Variants in TTLL12 observed in about 807,000 individuals in gnomAD.
TTLL12 encodes tubulin tyrosine ligase like 12.
A neutral mutation model predicts 79.6 loss-of-function variants in TTLL12; 77 were observed. That is an observed-to-expected ratio of 0.97 (90% CI 0.81 to 1.17). The LOEUF is 1.17. Among genes scored for constraint, TTLL12 ranks in the 50% most tolerant of loss-of-function variants. TTLL12 has a pLI of 0.00. For missense variants in TTLL12, 969 were observed against 895.9 expected, an observed-to-expected ratio of 1.08 and a Z score of -1.04; for synonymous variants, 437 against 376.1, an observed-to-expected ratio of 1.16 and a Z score of -1.87.
Position 43,167,834 on chromosome 22 carries a change from A to T in TTLL12, c.*174T>A. On this transcript the variant is annotated 3_prime_UTR_variant, in exon 14 of 14. Transcript: ENST00000216129. The stretch of plus-strand genomic sequence containing the variant: ...GCTCTGACCCACAGGTGAGAGGAGG[A>T]TGCTGTGCTCCCGGAGTGTGGCGCC... The T allele has an allele frequency of 1.4e-6, 1 of 717,074 alleles. No homozygotes were observed. The highest frequency in any genetic ancestry group is 1.8e-5 in the South Asian group (1 of 54,940). 44.4% of individuals were successfully genotyped at this position (717,074 alleles called of 1,614,324 possible).
intron 1 of TTLL12, among the ~76,000 whole-genome samples, chr22:43,185,054 C>G (rs998772391): frequency 6.6e-6 from 1 of 151,590 alleles, no homozygotes; most frequent in Non-Finnish European, 1.5e-5. Flanking sequence ...ATGGTGAAGC[C>G]CCATCTCTAC....
intron 10 of TTLL12, 27 bp from the exon 11 acceptor site, chr22:43,171,927 T>C (rs376983335): frequency 3.7e-6 from 6 of 1,608,232 alleles, no homozygotes; most frequent in Non-Finnish European, 4.3e-6. Context: ...CAGACACATA[T>C]GGGTTCTTGA....
Position 43,180,013 on chromosome 22 carries a change from C to A in TTLL12, c.547-13G>T. ...TCTCCTCAGCTGTCTGCAGACAGAG[C>A]ACATATGGCACCTCTCGCTCACCCA... On this transcript the variant is annotated splice_polypyrimidine_tract_variant and intron_variant, in intron 3 of 13. Transcript: ENST00000216129. The A allele has an allele frequency of 6.4e-7, 1 of 1,566,502 alleles. No individual in the cohort carries two copies. The highest frequency in any genetic ancestry group is 8.6e-7 in the Non-Finnish European group (1 of 1,156,490).
intron 13 of TTLL12, among the ~76,000 whole-genome samples, chr22:43,168,428 T>TTA (rs33976913): frequency 1.4e-5 from 2 of 146,676 alleles, no homozygotes; most frequent in African/African-American, 2.5e-5. Context: ...TTCAGTTTAG[T>TTA]AAAAAAAAAA....
rs1277035461 is a variant in TTLL12 at position 43,186,844 on chromosome 22, C to G, written c.177+49G>C. The G allele has an allele frequency of 1.9e-5, 24 of 1,240,970 alleles. No homozygotes were observed. In the East Asian group the frequency reaches 7.8e-4, roughly 40 times the overall value. 76.9% of individuals were successfully genotyped at this position (1,240,970 alleles called of 1,614,324 possible). ...CCCTGTCCCGCGCCGCGGGCTCCCG[C>G]CGCGCTCCCACCCCGGCCGCCGCAC... is the stretch of plus-strand genomic sequence containing the variant. On this transcript the variant is annotated intron_variant, in intron 1 of 13. Transcript: ENST00000216129.
intron 5 of TTLL12, among the ~76,000 whole-genome samples, chr22:43,177,828 A>C (rs66536338): frequency 0.073 from 11,151 of 152,256 alleles, 581 homozygotes; most frequent in Middle Eastern, 0.15. Context: ...TGAGATAATA[A>C]ATGTTTACTG....
chr22:43,177,079 GC>G (rs1931934526), intron 5 of TTLL12, among the ~76,000 whole-genome samples: 1 of 152,182 alleles, frequency 6.6e-6, no homozygotes, highest in East Asian at 1.9e-4. Flanking sequence ...TTTAAAACAT[GC>G]CCACGTGGCT....
chr22:43,175,892 T>C (rs974064864), intron 6 of TTLL12, among the ~76,000 whole-genome samples: 6 of 149,144 alleles, frequency 4.0e-5, no homozygotes, highest in African/African-American at 1.5e-4. Flanking sequence ...TTCACCATGC[T>C]GGCCAGGCTG....
Position 43,174,222 on chromosome 22 carries a change from G to A in TTLL12, c.1216C>T (p.Gln406Ter). Residue 406 changes from glutamine to a stop codon, truncating the protein, a stop_gained, in exon 8 of 14, where the codon CAG becomes TAG. Transcript: ENST00000216129. LOFTEE classifies it high-confidence loss of function. ...TCTGGGACTTACCACCTTTCCCGCTGCTGGAAGTAGCTGACAAACTGGGGC... is the reference window on the plus strand; with the variant it reads ...TCTGGGACTTACCACCTTTCCCGCTACTGGAAGTAGCTGACAAACTGGGGC... Reference protein sequence around the residue: ...ELPQFVSYFQQRERWGEDNHW... With the variant: ...ELPQFVSYFQ 6.2e-7 allele frequency: 1 copy of A among 1,603,614 alleles called. No homozygotes were observed. Among genetic ancestry groups the A allele is most frequent in the East Asian group, 2.2e-5 (1 of 44,874 alleles).
chr22:43,174,003 C>T (rs965844500), intron 8 of TTLL12, among the ~76,000 whole-genome samples, 177 bp from the exon 9 acceptor site: 10 of 152,232 alleles, frequency 6.6e-5, no homozygotes, highest in Non-Finnish European at 1.2e-4. Flanking sequence ...AGAGGCCAGG[C>T]AGCTGCGCTG....
intron 5 of TTLL12, among the ~76,000 whole-genome samples, chr22:43,177,418 G>A (rs1415509217): frequency 6.6e-6 from 1 of 152,050 alleles, no homozygotes; most frequent in Non-Finnish European, 1.5e-5. Flanking sequence ...CAAACTCTTT[G>A]ACACTATCTT....
chr22:43,170,084 C>T (rs1016130441), intron 11 of TTLL12: 9 of 356,200 alleles, frequency 2.5e-5, no homozygotes, highest in African/African-American at 4.3e-5. Context: ...AGGTGGCAGT[C>T]GGCTCAGGTT....
intron 2 of TTLL12, among the ~76,000 whole-genome samples, chr22:43,181,649 G>C (rs1932059370): frequency 6.6e-6 from 1 of 152,204 alleles, no homozygotes; most frequent in Non-Finnish European, 1.5e-5. Flanking sequence ...GCCGGATCAG[G>C]AGGCACCAAA....
chr22:43,183,084 C>T lies in TTLL12; in HGVS notation c.243G>A (p.Glu81=). ...QVEEVEEEED[E]AAREVRKQQP... Reference sequence around the variant, plus strand: ...GCTGCTTCCGCACCTCCCGGGCTGCCTCGTCCTCCTCCTCTTCTACCTCCT... The same window carrying T: ...GCTGCTTCCGCACCTCCCGGGCTGCTTCGTCCTCCTCCTCTTCTACCTCCT... The change falls in exon 2 of 14, where the codon GAG becomes GAA. Residue 81 remains glutamate, a synonymous_variant. Coordinates refer to ENST00000216129, the MANE Select transcript of TTLL12 (RefSeq NM_015140.4). 6.2e-7 allele frequency: 1 copy of T among 1,614,012 alleles called. No individual in the cohort carries two copies. The highest frequency in any genetic ancestry group is 8.5e-7 in the Non-Finnish European group (1 of 1,180,002).
chr22:43,176,375 CCTT>C lies in TTLL12; in HGVS notation c.859_861del (p.Lys287del). ...GGGTTGATGTCAAGTGGCAGCTTCT[CCTT>C]GTTTTCCTCCAGAATGGCCTAAAAG... On this transcript the variant is annotated inframe_deletion, in exon 6 of 14. Transcript: ENST00000216129. 1 of 1,605,624 alleles carries C rather than the reference CCTT, an allele frequency of 6.2e-7. No individual in the cohort carries two copies. The highest frequency in any genetic ancestry group is 8.5e-7 in the Non-Finnish European group (1 of 1,177,158).
chr22:43,183,262 T>A (rs1932104544), intron 1 of TTLL12, 113 bp from the exon 2 acceptor site: 1 of 1,335,610 alleles, frequency 7.5e-7, no homozygotes, highest in Non-Finnish European at 1.0e-6. Context: ...AGGACAAACT[T>A]GTCTCCTTCA....
At chr22:43,184,480 A>T (rs1280127088) in intron 1 of TTLL12, among the ~76,000 whole-genome samples, 1 of 152,252 alleles carries the variant, frequency 6.6e-6, no homozygotes, top group Non-Finnish European at 1.5e-5. Flanking sequence ...AGATTTAAAC[A>T]TGAGGCTACG....
chr22:43,170,295 G>A lies in TTLL12; in HGVS notation c.1576-727C>T, dbSNP rs1931731738. 6 of 245,890 alleles carry A rather than the reference G, an allele frequency of 2.4e-5. No individual in the cohort carries two copies. In the South Asian group the frequency reaches 3.0e-4, roughly 12 times the overall value. The allele number at this position is 245,890 out of a possible 1,614,324, so 15.2% of individuals were successfully genotyped here. ...TGCTGGGGGGTCTGGGTCCTAGGGA[G>A]TAGGCTTCAACACAGGCAAGGATAA... On this transcript the variant is annotated intron_variant, in intron 11 of 13. Coordinates refer to ENST00000216129, the MANE Select transcript of TTLL12 (RefSeq NM_015140.4).
chr22:43,176,302 T>C lies in TTLL12; in HGVS notation c.917+18A>G. On this transcript the variant is annotated intron_variant, in intron 6 of 13. Coordinates refer to ENST00000216129, the MANE Select transcript of TTLL12 (RefSeq NM_015140.4). ...TGCGGACAAGTCCCAGCCCAAGCAG[T>C]GGGGGGGGGCTACGCACTTGAAGAT... 1 of 1,494,076 alleles carries C rather than the reference T, an allele frequency of 6.7e-7. No individual in the cohort carries two copies. The highest frequency in any genetic ancestry group is 1.2e-5 in the South Asian group (1 of 82,980). The allele number at this position is 1,494,076 out of a possible 1,614,324, so 92.6% of individuals were successfully genotyped here.
Sources: allele counts gnomAD v4.1 joint callset (sites outside exome capture counted in the v4.1 genomes callset), GRCh38; gene constraint gnomAD v4.1.1; transcripts MANE v1.5; gene names NCBI Gene and HGNC (gene_info 2026-07-23, HGNC 2026-07-21).